Variants in ARHGEF11 observed in about 807,000 individuals in gnomAD.
The protein encoded by ARHGEF11 is Rho guanine nucleotide exchange factor 11, also known as Rho guanine exchange factor (GEF) 11.
In ARHGEF11, 55 loss-of-function variants were observed where a neutral mutation model predicts 193.7. The ratio of observed to expected loss-of-function variants is 0.28; its 90% CI spans 0.23 to 0.36. The LOEUF (loss-of-function observed/expected upper bound fraction) is 0.36. Among genes scored for constraint, ARHGEF11 ranks in the 10% least tolerant of loss-of-function variants. ARHGEF11 has a pLI of 1.00. For synonymous variants in ARHGEF11, 693 were observed against 768.0 expected, an observed-to-expected ratio of 0.90 and a Z score of 1.62; for missense variants, 1,723 against 2,005.6, an observed-to-expected ratio of 0.86 and a Z score of 2.69.
rs117393667 is a variant in ARHGEF11, at chr1:156,990,337, C to T, written c.33-4164G>A. 1.3e-4 allele frequency among the ~76,000 whole-genome samples: 20 copies of T among 152,156 alleles called. No homozygotes were observed. The East Asian group carries it at 3.5e-3, about 26-fold the overall frequency. ...TGGATAGCTTGCCCCATTTTGGTGA[C>T]GGTAGGTTTGATTACTCAGGTAAAG... On this transcript the variant is annotated intron_variant, in intron 1 of 40. Coordinates refer to ENST00000368194, the MANE Select transcript of ARHGEF11 (RefSeq NM_198236.3).
intron 7 of ARHGEF11, among the ~76,000 whole-genome samples, chr1:156,974,749 T>C (rs1320011472): frequency 2.6e-5 from 4 of 152,236 alleles, no homozygotes; most frequent in Non-Finnish European, 5.9e-5. Context: ...TCCATGTAAG[T>C]GGAATAATAC....
chr1:156,942,838 G>A, intron 32 of ARHGEF11, 58 bp from the exon 33 acceptor site: 1 of 1,453,128 alleles, frequency 6.9e-7, no homozygotes, highest in Admixed American at 1.7e-5. Flanking sequence ...TGTGACTGCA[G>A]CCTGGGCCAG....
At chr1:156,945,528 G>A (rs1226700403) in intron 29 of ARHGEF11, 2 of 315,214 alleles carry the variant, frequency 6.3e-6, no homozygotes, top group Non-Finnish European at 1.2e-5. Context: ...GTTCAAATCA[G>A]ATTGGGGTTC....
chr1:157,045,938 C>G (rs1181186941), upstream of ARHGEF11, among the ~76,000 whole-genome samples: 1 of 150,748 alleles, frequency 6.6e-6, no homozygotes, highest in East Asian at 1.9e-4. Flanking sequence ...CCGGCCTTTC[C>G]CCTCACGCCG....
At chr1:156,942,603 C>G in intron 33 of ARHGEF11, 87 bp downstream of exon 33, 1 of 1,255,274 alleles carries the variant, frequency 8.0e-7, no homozygotes. Flanking sequence ...GGGGCCCAAA[C>G]CTGGCCTTGC....
chr1:157,001,318 T>C (rs776583116), intron 1 of ARHGEF11, among the ~76,000 whole-genome samples: 1 of 152,168 alleles, frequency 6.6e-6, no homozygotes, highest in Non-Finnish European at 1.5e-5. Context: ...AAAGTATACT[T>C]GATATACATA....
At chr1:156,936,714 ACT>A (rs1165565589) in intron 40 of ARHGEF11, 100 bp downstream of exon 40, 6 of 1,341,152 alleles carry the variant, frequency 4.5e-6, no homozygotes, top group Non-Finnish European at 6.1e-6. Context: ...AGGGGAAACC[ACT>A]CTCAGAACCA....
At chr1:156,994,392 G>GGTT (rs10633755) in intron 1 of ARHGEF11, among the ~76,000 whole-genome samples, 2 of 144,092 alleles carry the variant, frequency 1.4e-5, no homozygotes, top group Non-Finnish European at 3.0e-5. Flanking sequence ...TTTATTGTGT[G>GGTT]TTTTTTTTTT....
intron 40 of ARHGEF11, among the ~76,000 whole-genome samples, chr1:156,936,526 A>ATATATATATAT (rs1655356160): frequency 3.8e-5 from 5 of 132,352 alleles, no homozygotes; most frequent in Admixed American, 7.8e-5. Flanking sequence ...ATATATATAT[A>ATATATATATAT]AAATTAAAAA....
intron 3 of ARHGEF11, among the ~76,000 whole-genome samples, chr1:156,981,553 C>T (rs1461485879): frequency 6.6e-5 from 10 of 152,188 alleles, no homozygotes; most frequent in South Asian, 2.1e-4. Flanking sequence ...TTTGGCTCAC[C>T]GCAGCCTCAA....
At position 156,948,555 on chromosome 1, in the gene ARHGEF11, A is replaced by C; in HGVS notation, c.1926-57T>G. 1 of 1,613,778 alleles carries C rather than the reference A, an allele frequency of 6.2e-7. No homozygotes were observed. Among genetic ancestry groups the C allele is most frequent in the South Asian group, 1.1e-5 (1 of 90,982 alleles). ...TGGGAAGTCAGTGGGCCATGCTTAC[A>C]TCCTGGCTAACTCTTACCTGTGGCT... On this transcript the variant is annotated intron_variant, in intron 22 of 40. Coordinates refer to ENST00000368194, the MANE Select transcript of ARHGEF11 (RefSeq NM_198236.3). This position sits in a 1 kb window ranked among gnomAD's most constrained non-coding sequence, Gnocchi z 4.2.
chr1:157,039,918 G>A (rs1672525667), intron 1 of ARHGEF11, among the ~76,000 whole-genome samples: 1 of 152,186 alleles, frequency 6.6e-6, no homozygotes, highest in Admixed American at 6.5e-5. Context: ...CACAGAGGCT[G>A]TGAGCTTCCA....
At chr1:156,952,522 C>T (rs1659269400) in intron 21 of ARHGEF11, among the ~76,000 whole-genome samples, 1 of 152,184 alleles carries the variant, frequency 6.6e-6, no homozygotes, top group Admixed American at 6.5e-5. Flanking sequence ...CTGCCTGAGA[C>T]CAGCGGAAAG....
At chr1:157,021,706 G>A (rs984723337) in intron 1 of ARHGEF11, among the ~76,000 whole-genome samples, 3 of 152,202 alleles carry the variant, frequency 2.0e-5, no homozygotes, top group African/African-American at 7.2e-5. Flanking sequence ...TGTGGTCACA[G>A]GCAAACAACT....
chr1:157,016,224 T>A (rs1669210534), intron 1 of ARHGEF11, among the ~76,000 whole-genome samples: 1 of 152,140 alleles, frequency 6.6e-6, no homozygotes. Flanking sequence ...TTACTGTTTT[T>A]ATTTATTTTA....
In ARHGEF11 at chr1:156,963,219, G is replaced by A. The variant is rs760790005; in HGVS notation, c.1124C>T (p.Ala375Val). The A allele has an allele frequency of 6.8e-6, 11 of 1,613,524 alleles. No individual in the cohort carries two copies. The highest frequency in any genetic ancestry group is 2.2e-5 in the South Asian group (2 of 91,036). ...CTGACTTACCAGTGGACTGGGGTCC[G>A]CCTGAGAGAAGATGTAACGTAGAAA... is the stretch of plus-strand genomic sequence containing the variant. ...GVFLRYIFSQ[A>V]DPSPLLFYLC... Residue 375 changes from alanine (A) to valine (V), a missense_variant, in exon 13 of 41, where the codon GCG (alanine) becomes GTG (valine). Coordinates refer to ENST00000368194, the MANE Select transcript of ARHGEF11 (RefSeq NM_198236.3).
chr1:157,018,750 T>C (rs1368680252), intron 1 of ARHGEF11, among the ~76,000 whole-genome samples: 29 of 152,156 alleles, frequency 1.9e-4, no homozygotes, highest in Admixed American at 1.9e-3. Flanking sequence ...TTAAAACATA[T>C]TGTAAAGCTA....
chr1:157,000,349 C>T (rs1414656938), intron 1 of ARHGEF11, among the ~76,000 whole-genome samples: 1 of 152,096 alleles, frequency 6.6e-6, no homozygotes, highest in Non-Finnish European at 1.5e-5. Context: ...AGTGATAATA[C>T]CTTAAATATA....
chr1:156,975,677 C>T (rs1400859071), intron 7 of ARHGEF11, among the ~76,000 whole-genome samples: 2 of 152,188 alleles, frequency 1.3e-5, no homozygotes, highest in African/African-American at 4.8e-5. Flanking sequence ...AGGAGTTTTA[C>T]AGTTTTTAAA....
Sources: gnomAD v4.1 joint callset for allele counts (sites outside exome capture counted in the v4.1 genomes callset) on GRCh38, gnomAD v4.1.1 for gene constraint, Gnocchi (gnomAD v3.1) non-coding constraint, MANE v1.5 for transcripts, NCBI Gene and HGNC (gene_info 2026-07-23, HGNC 2026-07-21) for gene names.